The following FGF14 variants were observed in gnomAD, a reference collection of about 807,000 sequenced individuals.
FGF14 encodes fibroblast growth factor 14.
A neutral mutation model predicts 25.5 loss-of-function variants in FGF14; 5 were observed. The ratio of observed to expected loss-of-function variants is 0.20; its 90% confidence interval spans 0.10 to 0.41. The LOEUF (loss-of-function observed/expected upper bound fraction) is 0.41. Ranked by LOEUF, FGF14 falls within the 10% of genes least tolerant of loss-of-function variation. The probability of loss-of-function intolerance (pLI) is 1.00; values close to 1 mark genes in which losing one functional copy is unlikely to be tolerated. For missense variants in FGF14, 222 were observed against 320.1 expected (o/e 0.69, Z 2.34); for synonymous variants, 138 against 118.3 (o/e 1.17, Z -1.08).
intron 1 of FGF14, among the ~76,000 whole-genome samples, chr13:101,931,753 A>C (rs2139244795): frequency 6.6e-6 from 1 of 152,342 alleles, no homozygotes; most frequent in South Asian, 2.1e-4. Context: ...CCACAGAGAA[A>C]ATGGAATAAG....
chr13:102,121,562 T>C (rs1384082482), intron 1 of FGF14, among the ~76,000 whole-genome samples: 1 of 152,246 alleles, frequency 6.6e-6, no homozygotes, highest in East Asian at 1.9e-4. Context: ...TTTTTATTTG[T>C]AATCATATTT....
chr13:101,788,895 TATATATATATATATAGAGAGAGAGAGAG>T (rs1174105800), intron 3 of FGF14, among the ~76,000 whole-genome samples: 1 of 48,998 alleles, frequency 2.0e-5, no homozygotes, highest in African/African-American at 6.0e-5. Context: ...TATATATATA[TATATATATATATATAGAGAGAGAGAGAG>T]AGAGAGAGAG....
chr13:101,783,763 C>T (rs2039652444), intron 3 of FGF14, among the ~76,000 whole-genome samples: 1 of 152,022 alleles, frequency 6.6e-6, no homozygotes, highest in African/African-American at 2.4e-5. Context: ...TTGACATTGC[C>T]CTAAATGGTG....
rs2043421968 is a variant in FGF14 at position 102,077,583 on chromosome 13, A to G, written c.209-202287T>C. Among the ~76,000 whole-genome samples the G allele has an allele frequency of 4.6e-5, 7 of 152,196 alleles. No homozygotes were observed. The South Asian group carries it at 1.4e-3, about 31-fold the overall frequency. The stretch of plus-strand genomic sequence containing the variant: ...CAGGAAAATGCAAACTAAAATCACA[A>G]TGAGATATCACCACACACCTGTTAT... On this transcript the variant is annotated intron_variant, in intron 1 of 4. Transcript: ENST00000376131.
intron 1 of FGF14, among the ~76,000 whole-genome samples, chr13:102,355,234 T>TA (rs1167034296): frequency 1.3e-5 from 2 of 152,162 alleles, no homozygotes; most frequent in African/African-American, 4.8e-5. Flanking sequence ...AGCATGGACT[T>TA]ACGTAGATCC....
At chr13:101,984,495 T>C (rs2038451550) in intron 1 of FGF14, among the ~76,000 whole-genome samples, 3 of 152,206 alleles carry the variant, frequency 2.0e-5, no homozygotes, top group Admixed American at 6.5e-5. Context: ...AAGTTGTTCA[T>C]GTATAAGTGA....
intron 1 of FGF14, among the ~76,000 whole-genome samples, chr13:102,156,483 A>G (rs1224898619): frequency 6.6e-6 from 1 of 152,234 alleles, no homozygotes; most frequent in Non-Finnish European, 1.5e-5. Flanking sequence ...AAAACTCTCA[A>G]TAAATTAGGT....
intron 1 of FGF14, among the ~76,000 whole-genome samples, chr13:101,956,283 C>T (rs1171661444): frequency 1.3e-5 from 2 of 152,122 alleles, no homozygotes; most frequent in African/African-American, 4.8e-5. Flanking sequence ...TACAGATAGA[C>T]GGATAACATC....
intron 1 of FGF14, among the ~76,000 whole-genome samples, chr13:102,298,144 G>C (rs1453951428): frequency 2.0e-5 from 3 of 151,904 alleles, no homozygotes; most frequent in Non-Finnish European, 2.9e-5. Context: ...AAGTACATGT[G>C]TTCTCATGCC....
chr13:102,183,568 AACCCCAG>A (rs1290559018), intron 1 of FGF14, among the ~76,000 whole-genome samples: 1 of 152,188 alleles, frequency 6.6e-6, no homozygotes, highest in Non-Finnish European at 1.5e-5. Flanking sequence ...TGGGAATAAG[AACCCCAG>A]ACTTGCCCCT....
chr13:101,949,808 C>T (rs965885097), intron 1 of FGF14, among the ~76,000 whole-genome samples: 2 of 152,160 alleles, frequency 1.3e-5, no homozygotes, highest in Admixed American at 6.5e-5. Flanking sequence ...ATATGCTCAA[C>T]TCCAGGGAAT....
At chr13:101,843,568 A>G (rs936302296) in intron 3 of FGF14, among the ~76,000 whole-genome samples, 2 of 151,998 alleles carry the variant, frequency 1.3e-5, no homozygotes, top group Non-Finnish European at 2.9e-5. Flanking sequence ...TGAAATATAT[A>G]CTTAACTTGA....
intron 1 of FGF14, among the ~76,000 whole-genome samples, chr13:102,217,862 G>C (rs1238943148): frequency 6.6e-6 from 1 of 152,170 alleles, no homozygotes; most frequent in African/African-American, 2.4e-5. Flanking sequence ...GCCAACCAGA[G>C]TAAGCTGAGA....
At position 101,711,409 on chromosome 13, in the gene FGF14, GAGAA is replaced by G. The variant is rs745450402; in HGVS notation, c.*11418_*11421del. ...CAACCTGTCCCACATCCCCAGAAAA[GAGAA>G]AGAGTGAAAGATGCTTCACAAAATC... is the stretch of plus-strand genomic sequence containing the variant. On this transcript the variant is annotated 3_prime_UTR_variant, in exon 5 of 5. Transcript: ENST00000376143. The G allele has an allele frequency of 6.6e-6, 1 of 152,318 alleles. No homozygotes were observed. The highest frequency in any genetic ancestry group is 2.4e-5 in the African/African-American group (1 of 41,442). 9.4% of individuals were successfully genotyped at this position (152,318 alleles called of 1,614,324 possible). A position where few individuals can be genotyped will look rare whatever the true frequency, so the allele number is the denominator to read the frequency against.
At chr13:102,031,313 G>A (rs1471096882) in intron 1 of FGF14, among the ~76,000 whole-genome samples, 3 of 152,046 alleles carry the variant, frequency 2.0e-5, no homozygotes, top group African/African-American at 4.8e-5. Context: ...AATGTAGTTT[G>A]CACTTAGCAA....
At chr13:101,769,930 G>T (rs898699452) in intron 3 of FGF14, among the ~76,000 whole-genome samples, 1 of 152,072 alleles carries the variant, frequency 6.6e-6, no homozygotes, top group Non-Finnish European at 1.5e-5. Flanking sequence ...ATAACACCAA[G>T]GATAAACCCT....
At chr13:102,043,930 G>A (rs1222991459) in intron 1 of FGF14, among the ~76,000 whole-genome samples, 3 of 152,110 alleles carry the variant, frequency 2.0e-5, no homozygotes, top group Non-Finnish European at 4.4e-5. Context: ...TTGTACAAGT[G>A]CAGCAATCAG....
chr13:102,095,869 TA>T (rs2044370273), intron 1 of FGF14, among the ~76,000 whole-genome samples: 1 of 152,130 alleles, frequency 6.6e-6, no homozygotes, highest in Non-Finnish European at 1.5e-5. Flanking sequence ...AGTTAGTAGT[TA>T]AGGTTTTGGA....
At chr13:101,729,828 C>G (rs1161753815) in intron 3 of FGF14, among the ~76,000 whole-genome samples, 1 of 151,728 alleles carries the variant, frequency 6.6e-6, no homozygotes, top group South Asian at 2.1e-4. Context: ...TGAAATATAC[C>G]AAGATAAATA....
Sources: gnomAD v4.1 joint callset for allele counts (sites outside exome capture counted in the v4.1 genomes callset) on GRCh38, gnomAD v4.1.1 for gene constraint, MANE v1.5 for transcripts, NCBI Gene and HGNC (gene_info 2026-07-23, HGNC 2026-07-21) for gene names.